The following EDNRB variants were observed in gnomAD, a reference collection of about 807,000 sequenced individuals.
EDNRB encodes the protein Hirschsprung disease 2.
Under a neutral mutation model 46.4 loss-of-function variants are expected in EDNRB, and 18 were observed. That is an observed-to-expected ratio of 0.39 (90% CI 0.27 to 0.57). EDNRB has a LOEUF of 0.57. EDNRB is among the 20% of genes least tolerant of loss of function. The pLI is 0.61. For missense variants in EDNRB, 434 were observed against 537.5 expected, an observed-to-expected ratio of 0.81 and a Z score of 1.90; for synonymous variants, 213 against 204.9, an observed-to-expected ratio of 1.04 and a Z score of -0.34.
At chr13:77,971,417 G>A (rs754459783) in intron 1 of EDNRB, among the ~76,000 whole-genome samples, 2 of 152,210 alleles carry the variant, frequency 1.3e-5, no homozygotes, top group African/African-American at 2.4e-5. Context: ...ATGGGGGCCA[G>A]CCTTTGGAAA....
chr13:77,937,551 T>G (rs929709967), intron 1 of EDNRB, among the ~76,000 whole-genome samples: 3 of 152,054 alleles, frequency 2.0e-5, no homozygotes, highest in African/African-American at 4.8e-5. Flanking sequence ...CTGAGAGAGG[T>G]CTGATAGAGA....
chr13:77,918,327 G>C lies in EDNRB; in HGVS notation c.247C>G (p.Arg83Gly). 2 of 1,614,056 alleles carry C rather than the reference G, an allele frequency of 1.2e-6. No individual in the cohort carries two copies. Among genetic ancestry groups the C allele is most frequent in the Non-Finnish European group, 1.7e-6 (2 of 1,179,978 alleles). Residue 83 changes from arginine (R) to glycine (G), a missense_variant, in exon 1 of 7, where the codon CGC becomes GGC. By Grantham distance (125) the Arg-to-Gly change is moderately radical. Coordinates refer to ENST00000646607, the MANE Select transcript of EDNRB (RefSeq NM_001122659.3). This position sits in a 1 kb window ranked among gnomAD's most constrained non-coding sequence, Gnocchi z 4.5. Reference protein sequence around the residue: ...KGDRTAGSPPRTISPPPCQGP... With the variant: ...KGDRTAGSPPGTISPPPCQGP... ...TGGCACGGGGGAGGGGAGATGGTGC[G>C]TGGCGGAGATCCTGCCGTCCTGTCT...
Position 77,897,898 on chromosome 13 carries a change from T to C in EDNRB, c.*302A>G. The C allele has an allele frequency of 1.9e-6, 2 of 1,073,344 alleles. No individual in the cohort carries two copies. Among genetic ancestry groups the C allele is most frequent in the Non-Finnish European group, 2.3e-6 (2 of 884,468 alleles). 66.5% of individuals were successfully genotyped at this position (1,073,344 alleles called of 1,614,324 possible). On this transcript the variant is annotated 3_prime_UTR_variant, in exon 7 of 7. Coordinates refer to ENST00000646607, the MANE Select transcript of EDNRB (RefSeq NM_001122659.3). ...TAGAAATTCTGAGTGAGCTCATTTT[T>C]AAGCCTAAGTGTTGTGTGAATATCC...
Position 77,903,283 on chromosome 13 carries a change from A to T in EDNRB, c.674T>A (p.Ile225Asn). ...PKWTAVEIVL[I>N]WVVSVVLAVP... ...AGCCAGAACCACAGAGACCACCCAA[A>T]TCAAAACAATTTCTACTGCTGTCCA... Residue 225 changes from isoleucine (I) to asparagine (N), a missense_variant, in exon 3 of 7, where the codon ATT becomes AAT. By Grantham distance (149) the Ile-to-Asn change is moderately radical. Transcript: ENST00000646607. 1.2e-6 allele frequency: 2 copies of T among 1,613,024 alleles called. No individual in the cohort carries two copies. The highest frequency in any genetic ancestry group is 1.7e-6 in the Non-Finnish European group (2 of 1,179,364).
chr13:77,941,699 T>C (rs1880752316), intron 1 of EDNRB, among the ~76,000 whole-genome samples: 1 of 1,960 alleles, frequency 5.1e-4, no homozygotes, highest in Non-Finnish European at 9.3e-4. Flanking sequence ...GTGGTGGTGA[T>C]GGAAGTTTTC....
At chr13:77,900,457 G>C (rs1434664842) in intron 5 of EDNRB, 64 bp downstream of exon 5, 15 of 1,604,912 alleles carry the variant, frequency 9.3e-6, no homozygotes, top group South Asian at 2.2e-5. Flanking sequence ...CTATAAAAAA[G>C]ATCGATGGAA....
intron 1 of EDNRB, among the ~76,000 whole-genome samples, chr13:77,929,860 T>G (rs1312961694): frequency 2.0e-5 from 3 of 152,236 alleles, no homozygotes; most frequent in Non-Finnish European, 4.4e-5. Context: ...TTGTGAGATT[T>G]AAATTCTATT....
Position 77,908,043 on chromosome 13 carries a change from A to AAAAAAAAGAG in EDNRB, c.484-4437_484-4436insCTCTTTTTTT, listed in dbSNP as rs4052535. The stretch of plus-strand genomic sequence containing the variant: ...CTGCAAAAAAAAAAAAAAAAAAAAA[A>AAAAAAAAGAG]AGAGAGAGAGAGCATTAACCTTTAT... On this transcript the variant is annotated intron_variant, in intron 1 of 6. Transcript: ENST00000646607. Among the ~76,000 whole-genome samples the AAAAAAAAGAG allele has an allele frequency of 4.3e-4, 31 of 72,478 alleles. 1 individual carries two copies. The highest frequency in any genetic ancestry group is 2.2e-3 in the South Asian group (3 of 1,334). 47.5% of individuals were successfully genotyped at this position (72,478 alleles called of 152,430 possible). A position where few individuals can be genotyped will look rare whatever the true frequency, so the allele number is the denominator to read the frequency against.
chr13:77,945,435 A>G (rs1205316410), intron 1 of EDNRB, among the ~76,000 whole-genome samples: 1 of 152,210 alleles, frequency 6.6e-6, no homozygotes, highest in Non-Finnish European at 1.5e-5. Flanking sequence ...TCTTACAACA[A>G]GAAAATGTGA....
rs1224345286 is a variant in EDNRB at position 77,896,476 on chromosome 13, G to A, written c.*1724C>T. On this transcript the variant is annotated 3_prime_UTR_variant, in exon 7 of 7. Transcript: ENST00000646607. ...ATTGCTCTTTCTTTCTGGCCACATT[G>A]TTGGGTTTTGGTTTACTGTACCATC... 6.3e-7 allele frequency: 1 copy of A among 1,579,080 alleles called. No individual in the cohort carries two copies. Among genetic ancestry groups the A allele is most frequent in the East Asian group, 2.3e-5 (1 of 44,106 alleles).
rs1879952730 is a variant in EDNRB, at chr13:77,918,722, ATCCACGC to A, written c.-156_-150del. ...TACCGCCCGCAGCCTCTTCGCCAGT[ATCCACGC>A]TCAAAAGTAACTCAAGTTTGCGCGC... On this transcript the variant is annotated 5_prime_UTR_variant, in exon 1 of 7. Transcript: ENST00000646607. This position sits in a 1 kb window ranked among gnomAD's most constrained non-coding sequence, Gnocchi z 4.5. 3 of 1,345,790 alleles carry A rather than the reference ATCCACGC, an allele frequency of 2.2e-6. No homozygotes were observed. The highest frequency in any genetic ancestry group is 3.0e-5 in the African/African-American group (2 of 66,836). The allele number at this position is 1,345,790 out of a possible 1,614,324, so 83.4% of individuals were successfully genotyped here. A position where few individuals can be genotyped will look rare whatever the true frequency, so the allele number is the denominator to read the frequency against.
chr13:77,960,557 C>G (rs573099729), intron 1 of EDNRB, among the ~76,000 whole-genome samples: 2 of 152,138 alleles, frequency 1.3e-5, no homozygotes, highest in South Asian at 4.1e-4. Flanking sequence ...TGGAAAGGAA[C>G]AGCCAGCACC....
chr13:77,949,154 G>A (rs143035571), intron 1 of EDNRB, among the ~76,000 whole-genome samples: 2 of 152,296 alleles, frequency 1.3e-5, no homozygotes, highest in African/African-American at 4.8e-5. Flanking sequence ...AGAATATGCA[G>A]CCACACAGGT....
At chr13:77,936,981 A>G (rs1477447217) in intron 1 of EDNRB, among the ~76,000 whole-genome samples, 1 of 152,188 alleles carries the variant, frequency 6.6e-6, no homozygotes, top group Non-Finnish European at 1.5e-5. Flanking sequence ...GGCGAGGTTG[A>G]TTAATTCCTG....
Position 77,897,181 on chromosome 13 carries a change from C to T in EDNRB, c.*1019G>A. On this transcript the variant is annotated 3_prime_UTR_variant, in exon 7 of 7. Coordinates refer to ENST00000646607, the MANE Select transcript of EDNRB (RefSeq NM_001122659.3). Reference sequence around the variant, plus strand: ...GTTCACAGTCTTTATTATGAGGTCACTGGCATCTCTCCATCGTAAAGCTAT... The same window carrying T: ...GTTCACAGTCTTTATTATGAGGTCATTGGCATCTCTCCATCGTAAAGCTAT... 1.0e-6 allele frequency: 1 copy of T among 985,382 alleles called. No individual in the cohort carries two copies. Among genetic ancestry groups the T allele is most frequent in the Non-Finnish European group, 1.2e-6 (1 of 829,976 alleles). The allele number at this position is 985,382 out of a possible 1,614,324, so 61.0% of individuals were successfully genotyped here.
intron 3 of EDNRB, 83 bp downstream of exon 3, chr13:77,903,073 C>T (rs1051385989): frequency 7.0e-7 from 1 of 1,428,178 alleles, no homozygotes; most frequent in Non-Finnish European, 9.8e-7. Context: ...TCAACAGTTT[C>T]CCAAGGAGTG....
rs12720152 is a variant in EDNRB at position 77,929,623 on chromosome 13, G to A, written c.-51-10999C>T. 6.3e-3 allele frequency among the ~76,000 whole-genome samples: 960 copies of A among 152,226 alleles called. 10 individuals carry two copies. The highest frequency in any genetic ancestry group is 0.021 in the African/African-American group (875 of 41,522). ...CCCTGAAAACCCATTTGTACAAGGCGGGTGACTATTCCAACACTTTCATGC... is the reference window on the plus strand; with the variant it reads ...CCCTGAAAACCCATTTGTACAAGGCAGGTGACTATTCCAACACTTTCATGC... On this transcript the variant is annotated intron_variant, in intron 1 of 7. Transcript: ENST00000646948.
At chr13:77,900,380 C>T in intron 5 of EDNRB, 141 bp downstream of exon 5, 1 of 1,162,676 alleles carries the variant, frequency 8.6e-7, no homozygotes, top group South Asian at 1.3e-5. Flanking sequence ...TCAACAGGAC[C>T]TCAGATAAAA....
At chr13:77,912,049 C>T (rs1055817411) in intron 1 of EDNRB, among the ~76,000 whole-genome samples, 2 of 152,030 alleles carry the variant, frequency 1.3e-5, no homozygotes, top group Non-Finnish European at 2.9e-5. Context: ...CAGAGATACC[C>T]TTATATGGTT....
Sources: gnomAD v4.1 joint callset for allele counts (sites outside exome capture counted in the v4.1 genomes callset) on GRCh38, gnomAD v4.1.1 for gene constraint, Gnocchi (gnomAD v3.1) non-coding constraint, MANE v1.5 for transcripts, NCBI Gene and HGNC (gene_info 2026-07-23, HGNC 2026-07-21) for gene names.